Variants in CMC1 observed in about 807,000 individuals in gnomAD.
CMC1 encodes C-X9-C motif containing 1.
In CMC1, 14 loss-of-function variants were observed where a neutral mutation model predicts 14.1. The ratio of observed to expected loss-of-function variants is 0.99; its 90% CI spans 0.66 to 1.55. The LOEUF (loss-of-function observed/expected upper bound fraction) is 1.55, where lower values mean the gene tolerates loss of function less well. Among genes scored for constraint, CMC1 ranks in the 40% most tolerant of loss-of-function variants. The probability of loss-of-function intolerance (pLI) is 0.00; values close to 1 mark genes in which losing one functional copy is unlikely to be tolerated. For missense variants in CMC1, 127 were observed against 123.8 expected, an observed-to-expected ratio of 1.03 and a Z score of -0.12; for synonymous variants, 50 against 38.4, an observed-to-expected ratio of 1.30 and a Z score of -1.12.
At chr3:28,316,779 C>T (rs1417926934) in intron 3 of CMC1, 1 of 158,014 alleles carries the variant, frequency 6.3e-6, no homozygotes, top group Non-Finnish European at 1.4e-5. Flanking sequence ...ATCTCTGAGA[C>T]TTCCTCCAGC....
intron 2 of CMC1, chr3:28,292,663 G>T (rs1422798995): frequency 6.6e-6 from 1 of 152,108 alleles, no homozygotes; most frequent in African/African-American, 2.4e-5. Flanking sequence ...GATGTGGTTA[G>T]TATATAATAG....
chr3:28,281,544 T>A (rs1173307308), intron 2 of CMC1, among the ~76,000 whole-genome samples: 1 of 152,234 alleles, frequency 6.6e-6, no homozygotes, highest in Non-Finnish European at 1.5e-5. Context: ...TAAATATTAT[T>A]GGTTGCCTAT....
intron 1 of CMC1, among the ~76,000 whole-genome samples, chr3:28,256,061 A>G (rs1699389046): frequency 6.6e-6 from 1 of 152,186 alleles, no homozygotes; most frequent in Non-Finnish European, 1.5e-5. Flanking sequence ...ATGCACACAT[A>G]CATACACCAA....
At chr3:28,313,192 G>A (rs551417029) in intron 2 of CMC1, among the ~76,000 whole-genome samples, 1 of 152,222 alleles carries the variant, frequency 6.6e-6, no homozygotes, top group South Asian at 2.1e-4. Flanking sequence ...ATGATATTAC[G>A]TGGTTTCTTT....
At chr3:28,265,576 A>G (rs1178975579) in intron 2 of CMC1, among the ~76,000 whole-genome samples, 1 of 152,138 alleles carries the variant, frequency 6.6e-6, no homozygotes, top group African/African-American at 2.4e-5. Context: ...TTTCTGCTAA[A>G]TGCCTAAAAC....
chr3:28,296,992 T>G (rs1399535763), intron 2 of CMC1: 1 of 152,086 alleles, frequency 6.6e-6, no homozygotes, highest in Non-Finnish European at 1.5e-5. Flanking sequence ...ATGTGGCCTC[T>G]TTGGGCTATC....
rs1301061190 is a variant in CMC1 at position 28,322,059 on chromosome 3, G to A, written c.*2430G>A. ...TTTTTGGTTGTTTGAATTTTACCTA[G>A]AACAGAGATATCAAGTGTAGATTTA... On this transcript the variant is annotated 3_prime_UTR_variant, in exon 4 of 4. Transcript: ENST00000466830. The A allele has an allele frequency of 2.0e-5, 3 of 151,236 alleles. No homozygotes were observed. In the East Asian group the frequency reaches 5.8e-4, roughly 29 times the overall value. 9.4% of individuals were successfully genotyped at this position (151,236 alleles called of 1,614,324 possible). A position where few individuals can be genotyped will look rare whatever the true frequency, so the allele number is the denominator to read the frequency against.
At chr3:28,259,185 A>G (rs1252441707) in intron 1 of CMC1, among the ~76,000 whole-genome samples, 3 of 151,760 alleles carry the variant, frequency 2.0e-5, no homozygotes. Flanking sequence ...CTACAAAATC[A>G]TGCAGTTTCC....
chr3:28,295,892 A>G (rs552585412), intron 2 of CMC1, among the ~76,000 whole-genome samples: 6 of 152,036 alleles, frequency 3.9e-5, no homozygotes, highest in Non-Finnish European at 8.8e-5. Context: ...ATTGGGGGGG[A>G]AAAACCCATG....
chr3:28,242,094 C>T (rs1698557120), intron 1 of CMC1, among the ~76,000 whole-genome samples: 1 of 152,194 alleles, frequency 6.6e-6, no homozygotes, highest in Non-Finnish European at 1.5e-5. Flanking sequence ...CTCTTTTCGC[C>T]CCTTAAGGTC....
At chr3:28,280,063 G>T (rs549851208) in intron 2 of CMC1, among the ~76,000 whole-genome samples, 1 of 152,128 alleles carries the variant, frequency 6.6e-6, no homozygotes, top group Non-Finnish European at 1.5e-5. Flanking sequence ...TGTACAATGG[G>T]CAATAAAATG....
chr3:28,315,299 T>C (rs918633059), intron 2 of CMC1: 2 of 152,248 alleles, frequency 1.3e-5, no homozygotes, highest in African/African-American at 4.8e-5. Flanking sequence ...TACCAGGCTT[T>C]TCTGGGTTTG....
Position 28,323,176 on chromosome 3 carries a change from CTA to C in CMC1, c.*3548_*3549del, listed in dbSNP as rs1703244298. The C allele has an allele frequency of 6.6e-6, 1 of 151,004 alleles. No homozygotes were observed. Among genetic ancestry groups the C allele is most frequent in the Non-Finnish European group, 1.5e-5 (1 of 67,306 alleles). The allele number at this position is 151,004 out of a possible 1,614,324, so 9.4% of individuals were successfully genotyped here. ...AGAAGCTGCTCTACACAATGTGCAG[CTA>C]GCTGTAGTCTCTTTGAAGAAAATGA... is the stretch of plus-strand genomic sequence containing the variant. On this transcript the variant is annotated 3_prime_UTR_variant, in exon 4 of 4. Transcript: ENST00000466830.
rs185486103 is a variant in CMC1 at position 28,280,222 on chromosome 3, T to C, written c.109+16842T>C. On this transcript the variant is annotated intron_variant, in intron 2 of 3. Transcript: ENST00000466830. ...AGTGTTTCAGAATAGACAAAACTTA[T>C]ATGAACAACAGTTGCACTACGTGGG... Among the ~76,000 whole-genome samples, 915 of 152,308 alleles carry C rather than the reference T, an allele frequency of 6.0e-3. 10 individuals are homozygous for C. Among genetic ancestry groups the C allele is most frequent in the Middle Eastern group, 0.01 (3 of 294 alleles).
At chr3:28,257,991 AT>A (rs1480901461) in intron 1 of CMC1, among the ~76,000 whole-genome samples, 5 of 150,198 alleles carry the variant, frequency 3.3e-5, no homozygotes, top group African/African-American at 1.2e-4. Context: ...AATTTTAGTC[AT>A]TCTTGTGCAT....
chr3:28,264,670 A>G (rs60791015), intron 2 of CMC1, among the ~76,000 whole-genome samples: 1 of 152,184 alleles, frequency 6.6e-6, no homozygotes, highest in Non-Finnish European at 1.5e-5. Context: ...CAAGAGGTAC[A>G]TCCTGCACAT....
At chr3:28,311,913 T>C (rs1702655859) in intron 2 of CMC1, among the ~76,000 whole-genome samples, 2 of 152,222 alleles carry the variant, frequency 1.3e-5, no homozygotes, top group Non-Finnish European at 2.9e-5. Flanking sequence ...TCAAAAGATC[T>C]TTTCTACATT....
intron 2 of CMC1, among the ~76,000 whole-genome samples, chr3:28,280,904 T>C (rs1700855062): frequency 6.6e-6 from 1 of 152,210 alleles, no homozygotes; most frequent in South Asian, 2.1e-4. Context: ...ACCACCTATC[T>C]CTGTAAACAA....
At chr3:28,249,585 A>G (rs1040507391) in intron 1 of CMC1, among the ~76,000 whole-genome samples, 5 of 152,142 alleles carry the variant, frequency 3.3e-5, no homozygotes, top group Admixed American at 6.5e-5. Flanking sequence ...AAAAATATCA[A>G]TGCCTGGCTT....
Sources: gnomAD v4.1 joint callset for allele counts (sites outside exome capture counted in the v4.1 genomes callset) on GRCh38, gnomAD v4.1.1 for gene constraint, MANE v1.5 for transcripts, NCBI Gene and HGNC (gene_info 2026-07-23, HGNC 2026-07-21) for gene names.